The following CAMTA1 variants were observed in gnomAD, a reference collection of about 807,000 sequenced individuals.
CAMTA1 encodes calmodulin binding transcription activator 1, also known as calmodulin-binding transcription activator 1.
In CAMTA1, 27 loss-of-function variants were observed where a neutral mutation model predicts 170.9. That is an observed-to-expected ratio of 0.16 (90% CI 0.12 to 0.22). The LOEUF (loss-of-function observed/expected upper bound fraction) is 0.22, where lower values mean the gene tolerates loss of function less well. Among genes scored for constraint, CAMTA1 ranks in the 10% least tolerant of loss-of-function variants. The pLI, the probability that CAMTA1 is intolerant of heterozygous loss-of-function variation, is 1.00. For synonymous variants in CAMTA1, 833 were observed against 891.5 expected, an observed-to-expected ratio of 0.93 and a Z score of 1.17; for missense variants, 1,619 against 2,217.2, an observed-to-expected ratio of 0.73 and a Z score of 5.42.
chr1:7,418,498 T>C (rs1422418021), intron 5 of CAMTA1, among the ~76,000 whole-genome samples: 3 of 152,136 alleles, frequency 2.0e-5, no homozygotes, highest in Non-Finnish European at 4.4e-5. Flanking sequence ...CGTGCCTGGC[T>C]TCTCAACACT....
At chr1:7,595,295 G>A (rs922601739) in intron 6 of CAMTA1, among the ~76,000 whole-genome samples, 3 of 152,208 alleles carry the variant, frequency 2.0e-5, no homozygotes, top group African/African-American at 7.2e-5. Context: ...GTCTGCATTT[G>A]AGTAATTTTC....
At chr1:7,424,278 A>T (rs1221394107) in intron 5 of CAMTA1, among the ~76,000 whole-genome samples, 2 of 152,158 alleles carry the variant, frequency 1.3e-5, no homozygotes, top group Non-Finnish European at 2.9e-5. Context: ...GACATTTTTT[A>T]AAAGAAACCA....
chr1:6,815,969 A>G (rs1386770597), intron 1 of CAMTA1, among the ~76,000 whole-genome samples: 1 of 152,082 alleles, frequency 6.6e-6, no homozygotes, highest in East Asian at 1.9e-4. Flanking sequence ...CAGTCATACA[A>G]CTGTTTATTT....
At chr1:7,650,694 T>TC (rs150760568) in intron 7 of CAMTA1, among the ~76,000 whole-genome samples, 1 of 151,568 alleles carries the variant, frequency 6.6e-6, no homozygotes, top group Non-Finnish European at 1.5e-5. Context: ...CTCCATCCCG[T>TC]CCCCCCTCAG....
In CAMTA1 at chr1:7,455,112, G is replaced by A. The variant is rs1302313886; in HGVS notation, c.439-12718G>A. ...GGGCAGCGCATCTGCAGGTGTTTGA[G>A]GCACATTTGTTTTCAGGGGAAGGGG... On this transcript the variant is annotated intron_variant, in intron 5 of 22. Transcript: ENST00000303635. This position sits in a 1 kb window ranked among gnomAD's most constrained non-coding sequence, Gnocchi z 5.0. 6.6e-6 allele frequency among the ~76,000 whole-genome samples: 1 copy of A among 152,158 alleles called. No homozygotes were observed. Among genetic ancestry groups the A allele is most frequent in the Non-Finnish European group, 1.5e-5 (1 of 68,024 alleles).
intron 3 of CAMTA1, among the ~76,000 whole-genome samples, chr1:7,051,884 C>A (rs1706432268): frequency 6.6e-6 from 1 of 152,120 alleles, no homozygotes; most frequent in Admixed American, 6.5e-5. Flanking sequence ...CCTGACCCTC[C>A]CACCCCAGCT....
At chr1:7,161,666 C>T (rs1647236461) in intron 4 of CAMTA1, among the ~76,000 whole-genome samples, 1 of 152,200 alleles carries the variant, frequency 6.6e-6, no homozygotes, top group African/African-American at 2.4e-5. Flanking sequence ...TGTGAGGCCT[C>T]CCCAGCCACA....
At chr1:7,176,674 T>C (rs185544294) in intron 4 of CAMTA1, among the ~76,000 whole-genome samples, 2 of 152,338 alleles carry the variant, frequency 1.3e-5, no homozygotes, top group Non-Finnish European at 2.9e-5. Context: ...GGGTTTCTAC[T>C]CTGGATCCTT....
chr1:7,478,213 C>T (rs1360433571), intron 6 of CAMTA1, among the ~76,000 whole-genome samples: 1 of 152,110 alleles, frequency 6.6e-6, no homozygotes, highest in African/African-American at 2.4e-5. Context: ...GAAGGGGGTC[C>T]CCTGAGAAGG....
At chr1:7,342,935 C>T (rs769311929) in intron 5 of CAMTA1, among the ~76,000 whole-genome samples, 2 of 152,202 alleles carry the variant, frequency 1.3e-5, no homozygotes, top group African/African-American at 4.8e-5. Flanking sequence ...GAACTCCTTG[C>T]TCCTATTAAG....
intron 4 of CAMTA1, among the ~76,000 whole-genome samples, chr1:7,162,442 T>A (rs558025194): frequency 1.3e-5 from 2 of 152,230 alleles, no homozygotes; most frequent in Admixed American, 6.5e-5. Flanking sequence ...CCTGTACCCA[T>A]CAGCAGGCAC....
intron 5 of CAMTA1, among the ~76,000 whole-genome samples, chr1:7,281,893 A>T (rs1456812779): frequency 6.6e-6 from 1 of 150,584 alleles, no homozygotes; most frequent in Non-Finnish European, 1.5e-5. Flanking sequence ...AACGGGTAGA[A>T]ACCAACCCCC....
intron 4 of CAMTA1, among the ~76,000 whole-genome samples, chr1:7,178,119 A>T (rs553618464): frequency 7.9e-5 from 12 of 152,314 alleles, no homozygotes; most frequent in South Asian, 6.2e-4. Context: ...CCTCCTGAGG[A>T]AAAGGCTTGA....
At chr1:7,610,791 T>C (rs985239512) in intron 6 of CAMTA1, among the ~76,000 whole-genome samples, 1 of 152,186 alleles carries the variant, frequency 6.6e-6, no homozygotes, top group Non-Finnish European at 1.5e-5. Context: ...CAAGGATGGG[T>C]CCTTGCCCTG....
chr1:7,622,029 T>C (rs925434280), intron 6 of CAMTA1, among the ~76,000 whole-genome samples: 1 of 152,208 alleles, frequency 6.6e-6, no homozygotes, highest in Non-Finnish European at 1.5e-5. Flanking sequence ...GTTAGTCACC[T>C]CCAAAGACAG....
chr1:7,687,082 ACGTTTAGGAGTCCTCCGCGTGCAGATGG>A (rs1370749272), intron 11 of CAMTA1, among the ~76,000 whole-genome samples: 2 of 152,016 alleles, frequency 1.3e-5, no homozygotes, highest in Non-Finnish European at 2.9e-5. Context: ...AATGGAGATG[ACGTTTAGGAGTCCTCCGCGTGCAGATGG>A]CGTTTAGCGC....
At chr1:7,285,532 C>T (rs1281913783) in intron 5 of CAMTA1, among the ~76,000 whole-genome samples, 3 of 152,208 alleles carry the variant, frequency 2.0e-5, no homozygotes, top group African/African-American at 7.2e-5. Context: ...TGTCTCATGG[C>T]AGCTCCTCTG....
At chr1:7,252,046 C>T (rs1227290244) in intron 5 of CAMTA1, among the ~76,000 whole-genome samples, 1 of 152,136 alleles carries the variant, frequency 6.6e-6, no homozygotes, top group Non-Finnish European at 1.5e-5. Flanking sequence ...TGGCCATAGC[C>T]CCCACTTTAG....
intron 11 of CAMTA1, among the ~76,000 whole-genome samples, chr1:7,719,302 C>T (rs1558213404): frequency 6.6e-6 from 1 of 152,168 alleles, no homozygotes; most frequent in East Asian, 1.9e-4. Flanking sequence ...TGAGACACCC[C>T]TAGCTCTAGT....
Sources: allele counts gnomAD v4.1 joint callset (sites outside exome capture counted in the v4.1 genomes callset), GRCh38; gene constraint gnomAD v4.1.1; non-coding constraint Gnocchi (gnomAD v3.1); transcripts MANE v1.5; gene names NCBI Gene and HGNC (gene_info 2026-07-23, HGNC 2026-07-21).